Variants in XRCC4 observed in about 807,000 individuals in gnomAD.
XRCC4 encodes DNA repair protein XRCC4.
Under a neutral mutation model 39.1 loss-of-function variants are expected in XRCC4, and 28 were observed. That is an observed-to-expected ratio of 0.72 (90% confidence interval 0.53 to 0.98). The LOEUF is 0.98. Among genes scored for constraint, XRCC4 ranks in the 50% least tolerant of loss-of-function variants. The probability of loss-of-function intolerance (pLI) is 0.00; values close to 1 mark genes in which losing one functional copy is unlikely to be tolerated. For missense variants in XRCC4, 350 were observed against 376.4 expected, an observed-to-expected ratio of 0.93 and a Z score of 0.58; for synonymous variants, 123 against 126.4, an observed-to-expected ratio of 0.97 and a Z score of 0.18.
chr5:83,093,990 A>G (rs960489286), intron 1 of XRCC4, among the ~76,000 whole-genome samples: 13 of 151,272 alleles, frequency 8.6e-5, no homozygotes, highest in African/African-American at 2.9e-4. Context: ...TTTTATTGGA[A>G]CCCTTTTATG....
At chr5:83,220,728 C>A (rs1752048489) in intron 6 of XRCC4, among the ~76,000 whole-genome samples, 1 of 151,940 alleles carries the variant, frequency 6.6e-6, no homozygotes, top group Non-Finnish European at 1.5e-5. Context: ...AGTTAACACC[C>A]AGGATTTTTT....
intron 6 of XRCC4, among the ~76,000 whole-genome samples, chr5:83,243,808 T>C (rs1469315282): frequency 2.6e-5 from 4 of 152,112 alleles, no homozygotes; most frequent in Non-Finnish European, 4.4e-5. Flanking sequence ...CACATTTTAA[T>C]GTTGTGGAGA....
At chr5:83,212,153 C>A (rs984151350) in intron 6 of XRCC4, among the ~76,000 whole-genome samples, 5 of 151,834 alleles carry the variant, frequency 3.3e-5, no homozygotes, top group Non-Finnish European at 7.4e-5. Context: ...TATATACACA[C>A]ACACACATTT....
At chr5:83,189,942 T>C (rs1485336376) in intron 3 of XRCC4, among the ~76,000 whole-genome samples, 1 of 152,082 alleles carries the variant, frequency 6.6e-6, no homozygotes, top group Non-Finnish European at 1.5e-5. Context: ...CAGGCACCTG[T>C]AATCCCAGCT....
At chr5:83,269,492 A>G (rs1398050056) in intron 7 of XRCC4, among the ~76,000 whole-genome samples, 1 of 151,402 alleles carries the variant, frequency 6.6e-6, no homozygotes, top group Non-Finnish European at 1.5e-5. Flanking sequence ...ATAACAAAGA[A>G]AAAATTTGCT....
intron 3 of XRCC4, among the ~76,000 whole-genome samples, chr5:83,192,976 C>T (rs998033914): frequency 3.9e-5 from 6 of 152,124 alleles, no homozygotes; most frequent in African/African-American, 1.4e-4. Flanking sequence ...ATTGACACAA[C>T]AGTACGATAT....
intron 3 of XRCC4, among the ~76,000 whole-genome samples, chr5:83,155,324 A>C (rs900038319): frequency 6.6e-6 from 1 of 152,198 alleles, no homozygotes; most frequent in Non-Finnish European, 1.5e-5. Context: ...AAAAGTTGTC[A>C]CTGTTAGGAA....
the XRCC4 span, among the ~76,000 whole-genome samples, chr5:83,368,400 GC>G: frequency 6.6e-6 from 1 of 152,164 alleles, no homozygotes; most frequent in Non-Finnish European, 1.5e-5. Flanking sequence ...ACGTTCATCT[GC>G]TGTCACTTCT....
intron 6 of XRCC4, among the ~76,000 whole-genome samples, chr5:83,252,083 C>G (rs562855825): frequency 6.6e-6 from 1 of 152,252 alleles, no homozygotes; most frequent in African/African-American, 2.4e-5. Context: ...GTATGGTGTG[C>G]TAGACCTTAT....
At chr5:83,371,208 G>A in the XRCC4 span, among the ~76,000 whole-genome samples, 3 of 152,068 alleles carry the variant, frequency 2.0e-5, no homozygotes, top group Non-Finnish European at 1.5e-5. Context: ...ACAAGTCTTG[G>A]ATTCAGTGTC....
At chr5:83,216,834 A>G (rs1248643487) in intron 6 of XRCC4, among the ~76,000 whole-genome samples, 2 of 152,206 alleles carry the variant, frequency 1.3e-5, no homozygotes, top group African/African-American at 4.8e-5. Flanking sequence ...ATTAATTCAA[A>G]TGAGCCCAAG....
At chr5:83,170,353 G>C (rs1311949139) in intron 3 of XRCC4, among the ~76,000 whole-genome samples, 1 of 151,854 alleles carries the variant, frequency 6.6e-6, no homozygotes, top group Non-Finnish European at 1.5e-5. Context: ...TATGACATTT[G>C]GATAAAACTG....
At chr5:83,266,340 G>A (rs66506303) in intron 7 of XRCC4, among the ~76,000 whole-genome samples, 9,458 of 148,016 alleles carry the variant, frequency 0.064, 400 homozygotes, top group South Asian at 0.16. Context: ...TCAATGTAAA[G>A]TAAGTATTTG....
chr5:83,369,716 G>T, the XRCC4 span, among the ~76,000 whole-genome samples: 1 of 152,180 alleles, frequency 6.6e-6, no homozygotes, highest in Admixed American at 6.6e-5. Flanking sequence ...TGAACATACA[G>T]GTGCAGGTGT....
At chr5:83,275,867 A>T (rs1754314176) in intron 7 of XRCC4, among the ~76,000 whole-genome samples, 1 of 152,154 alleles carries the variant, frequency 6.6e-6, no homozygotes, top group Non-Finnish European at 1.5e-5. Flanking sequence ...TACATGCATG[A>T]TTCTTTAATG....
chr5:83,219,681 T>C lies in XRCC4; in HGVS notation c.745+14760T>C, dbSNP rs1287208197. On this transcript the variant is annotated intron_variant, in intron 6 of 7. Transcript: ENST00000396027. ...AGATAGAAATGTGGCTAGTCCAAAT[T>C]GAGATGTGCTGTAAATGTATACTAC... Among the ~76,000 whole-genome samples the C allele has an allele frequency of 5.9e-5, 9 of 152,210 alleles. 1 individual carries two copies. Among genetic ancestry groups the C allele is most frequent in the Admixed American group, 5.9e-4 (9 of 15,268 alleles).
At chr5:83,337,682 T>C (rs550386828) in intron 7 of XRCC4, among the ~76,000 whole-genome samples, 65 of 152,288 alleles carry the variant, frequency 4.3e-4, no homozygotes, top group African/African-American at 1.5e-3. Context: ...CGCTGTGTCC[T>C]GGACAAATTG....
chr5:83,148,734 T>G (rs1273972757), intron 3 of XRCC4, among the ~76,000 whole-genome samples: 1 of 152,052 alleles, frequency 6.6e-6, no homozygotes, highest in Non-Finnish European at 1.5e-5. Flanking sequence ...GTGCTTCCCT[T>G]GAGTTTGTGA....
intron 3 of XRCC4, among the ~76,000 whole-genome samples, chr5:83,120,016 C>T (rs10036514): frequency 7.8e-6 from 1 of 127,398 alleles, no homozygotes; most frequent in African/African-American, 3.6e-5. Flanking sequence ...AAAAAAAAAA[C>T]AATAACAGAA....
Sources: allele counts gnomAD v4.1 joint callset (sites outside exome capture counted in the v4.1 genomes callset), GRCh38; gene constraint gnomAD v4.1.1; transcripts MANE v1.5; gene names NCBI Gene and HGNC (gene_info 2026-07-23, HGNC 2026-07-21).